Variants in DFFB observed in about 807,000 individuals in gnomAD.
DFFB encodes DNA fragmentation factor 40 kDa subunit.
DFFB carries 29 observed loss-of-function variants against 32.7 expected under a neutral mutation model. The observed-to-expected ratio is 0.89, with a 90% CI of 0.66 to 1.21. The LOEUF (loss-of-function observed/expected upper bound fraction) is 1.21. DFFB is among the 50% of genes most tolerant of loss of function. The pLI is 0.00. For missense variants in DFFB, 398 were observed against 440.6 expected (o/e 0.90, Z 0.87); for synonymous variants, 170 against 177.1 (o/e 0.96, Z 0.32).
chr1:3,877,809 ACACT>A (rs1447021110), intron 6 of DFFB, among the ~76,000 whole-genome samples: 2 of 152,012 alleles, frequency 1.3e-5, no homozygotes, highest in African/African-American at 4.8e-5. Context: ...GATGTTCATA[ACACT>A]CAGCACCTCA....
chr1:3,863,418 A>G (rs1354667776), intron 2 of DFFB, among the ~76,000 whole-genome samples: 1 of 152,180 alleles, frequency 6.6e-6, no homozygotes. Context: ...ATTGATGGGA[A>G]GGGAAAACGG....
rs866338049 is a variant in DFFB, at chr1:3,865,515, G to A, written c.242-297G>A. On this transcript the variant is annotated intron_variant, in intron 2 of 6. Coordinates refer to ENST00000378209, the MANE Select transcript of DFFB (RefSeq NM_004402.4). The surrounding 1 kb of genome is among the most constrained non-coding windows in gnomAD (Gnocchi z 4.7). ...TCCAGGAAGGGCCAAAGTGGGGGGC[G>A]TATGGTTTGGAGGGGAGGAGGCCAA... The A allele has an allele frequency of 2.8e-5, 15 of 537,540 alleles. No individual in the cohort carries two copies. Among genetic ancestry groups the A allele is most frequent in the South Asian group, 1.6e-4 (8 of 48,616 alleles). The allele number at this position is 537,540 out of a possible 1,614,324, so 33.3% of individuals were successfully genotyped here.
intron 3 of DFFB, 142 bp downstream of exon 3, chr1:3,866,142 TCATTTCCCAG>T (rs772681407): frequency 9.2e-6 from 7 of 757,296 alleles, no homozygotes; most frequent in Non-Finnish European, 1.3e-5. Flanking sequence ...GAAAATGTGC[TCATTTCCCAG>T]CATTTCCCAG....
At chr1:3,882,961 T>C (rs973852434) in intron 6 of DFFB, among the ~76,000 whole-genome samples, 1 of 151,772 alleles carries the variant, frequency 6.6e-6, no homozygotes, top group Non-Finnish European at 1.5e-5. Context: ...TGACCCCCTT[T>C]ATTTTCTGCG....
rs1186850950 is a variant in DFFB, at chr1:3,858,810, G to T, written c.207G>T (p.Leu69=). 1 of 1,613,978 alleles carries T rather than the reference G, an allele frequency of 6.2e-7. No homozygotes were observed. The highest frequency in any genetic ancestry group is 1.1e-5 in the South Asian group (1 of 91,090). The change falls in exon 2 of 7, where the codon CTG becomes CTT. Residue 69 remains leucine, a synonymous_variant. Transcript: ENST00000378209. ...CCAGTGTTCCCGACAACGCCGAGCT[G>T]GTGCTGCTCACCTTGGGCCAGGCCT... ...YFPSVPDNAE[L]VLLTLGQAWQ...
intron 6 of DFFB, among the ~76,000 whole-genome samples, chr1:3,881,514 C>G (rs372576574): frequency 6.6e-6 from 1 of 152,194 alleles, no homozygotes; most frequent in South Asian, 2.1e-4. Context: ...TGCCTGTGTG[C>G]ACTAATTTCT....
chr1:3,858,965 CAAG>C, intron 2 of DFFB, 121 bp downstream of exon 2: 3 of 1,427,372 alleles, frequency 2.1e-6, no homozygotes, highest in Non-Finnish European at 2.8e-6. Flanking sequence ...TCTCGGGTCT[CAAG>C]GAGGAAGCCC....
intron 5 of DFFB, among the ~76,000 whole-genome samples, chr1:3,871,216 C>A (rs1437748180): frequency 6.6e-6 from 1 of 152,180 alleles, no homozygotes; most frequent in Non-Finnish European, 1.5e-5. Flanking sequence ...ACCTTGTCCT[C>A]TTTGGGAACT....
chr1:3,858,856 G>A lies in DFFB; in HGVS notation c.241+12G>A. On this transcript the variant is annotated intron_variant, in intron 2 of 6. Coordinates refer to ENST00000378209, the MANE Select transcript of DFFB (RefSeq NM_004402.4). Reference sequence around the variant, plus strand: ...GGCCTGGCAGGGCTGTGAGTGGCAAGGACTTTGGAGGTGGGCGGGAAGCTG... The same window carrying A: ...GGCCTGGCAGGGCTGTGAGTGGCAAAGACTTTGGAGGTGGGCGGGAAGCTG... The A allele has an allele frequency of 3.7e-6, 6 of 1,612,696 alleles. No homozygotes were observed. The highest frequency in any genetic ancestry group is 4.2e-6 in the Non-Finnish European group (5 of 1,179,936).
chr1:3,883,811 T>C lies in DFFB; in HGVS notation c.*70T>C. ...GCATCATTTTAACAGGTGCCTTTTTTGTTTTTTTGTTTTTCGTTTTTTTGG... is the reference window on the plus strand; with the variant it reads ...GCATCATTTTAACAGGTGCCTTTTTCGTTTTTTTGTTTTTCGTTTTTTTGG... On this transcript the variant is annotated 3_prime_UTR_variant, in exon 7 of 7. Transcript: ENST00000378209. The C allele has an allele frequency of 7.1e-7, 1 of 1,416,550 alleles. No individual in the cohort carries two copies. Among genetic ancestry groups the C allele is most frequent in the Non-Finnish European group, 9.7e-7 (1 of 1,026,362 alleles). 87.7% of individuals were successfully genotyped at this position (1,416,550 alleles called of 1,614,324 possible).
At chr1:3,872,419 A>G (rs945926479) in intron 5 of DFFB, 53 bp from the exon 6 acceptor site, 25 of 1,434,226 alleles carry the variant, frequency 1.7e-5, no homozygotes, top group Non-Finnish European at 2.3e-5. Context: ...CTCAAGAAAA[A>G]AAAAAAAAGA....
chr1:3,879,532 G>C (rs1423040837), intron 6 of DFFB, among the ~76,000 whole-genome samples: 4 of 152,198 alleles, frequency 2.6e-5, no homozygotes, highest in Non-Finnish European at 4.4e-5. Context: ...TGGGAAAGGA[G>C]CTCACTCTCC....
rs1033480699 is a variant in DFFB, at chr1:3,883,990, G to A, written c.*249G>A. On this transcript the variant is annotated 3_prime_UTR_variant, in exon 7 of 7. Transcript: ENST00000378209. Reference sequence around the variant, plus strand: ...TGCCCAGGCTGGAGTGTAGTGGCGCGATCTCGGCTCAGCCTCCCGAGTAGC... The same window carrying A: ...TGCCCAGGCTGGAGTGTAGTGGCGCAATCTCGGCTCAGCCTCCCGAGTAGC... The A allele has an allele frequency of 4.0e-5, 19 of 471,118 alleles. No individual in the cohort carries two copies. Among genetic ancestry groups the A allele is most frequent in the East Asian group, 3.1e-4 (8 of 26,194 alleles). The allele number at this position is 471,118 out of a possible 1,614,324, so 29.2% of individuals were successfully genotyped here.
chr1:3,873,151 T>A (rs1178324259), intron 6 of DFFB: 2 of 253,024 alleles, frequency 7.9e-6, no homozygotes, highest in East Asian at 2.2e-4. Flanking sequence ...CTCGCCACCA[T>A]GCCTGGCTGG....
chr1:3,866,089 G>T, intron 3 of DFFB, 89 bp downstream of exon 3: 1 of 1,129,394 alleles, frequency 8.9e-7, no homozygotes. Flanking sequence ...CCCCAGTGAA[G>T]GGCTGGCCTG....
At chr1:3,878,238 G>A (rs149646550) in intron 6 of DFFB, among the ~76,000 whole-genome samples, 266 of 151,066 alleles carry the variant, frequency 1.8e-3, no homozygotes, top group African/African-American at 6.1e-3. Context: ...TGCAACCTCC[G>A]CCTCCTGGGT....
intron 1 of DFFB, 91 bp downstream of exon 1, chr1:3,857,808 C>A: frequency 1.0e-6 from 1 of 959,534 alleles, no homozygotes; most frequent in Non-Finnish European, 1.4e-6. Flanking sequence ...ACGGAGGGTG[C>A]AGGCGGCGCC....
chr1:3,873,959 T>C (rs558595124), intron 6 of DFFB, among the ~76,000 whole-genome samples: 1 of 152,332 alleles, frequency 6.6e-6, no homozygotes, highest in African/African-American at 2.4e-5. Context: ...ATGGTCATAG[T>C]TGAGCTTTTA....
chr1:3,861,957 A>G (rs1644888284), intron 2 of DFFB, among the ~76,000 whole-genome samples: 1 of 152,264 alleles, frequency 6.6e-6, no homozygotes, highest in African/African-American at 2.4e-5. Context: ...TTTGCAGATC[A>G]TATGAACTTG....
Sources: gnomAD v4.1 joint callset for allele counts (sites outside exome capture counted in the v4.1 genomes callset) on GRCh38, gnomAD v4.1.1 for gene constraint, Gnocchi (gnomAD v3.1) non-coding constraint, MANE v1.5 for transcripts, NCBI Gene and HGNC (gene_info 2026-07-23, HGNC 2026-07-21) for gene names.